Variants in SYNPO2 observed in about 807,000 individuals in gnomAD.
SYNPO2 encodes the protein synaptopodin 2, also known as synaptopodin-2.
SYNPO2 carries 56 observed loss-of-function variants against 85.0 expected under a neutral mutation model. The ratio of observed to expected loss-of-function variants is 0.66; its 90% confidence interval spans 0.53 to 0.82. The LOEUF is 0.82. Among genes scored for constraint, SYNPO2 ranks in the 40% least tolerant of loss-of-function variants. The pLI is 0.00. For missense variants in SYNPO2, 1,575 were observed against 1,534.2 expected, an observed-to-expected ratio of 1.03 and a Z score of -0.44; for synonymous variants, 602 against 591.1, an observed-to-expected ratio of 1.02 and a Z score of -0.27.
At position 118,978,227 on chromosome 4, in the gene SYNPO2, G is replaced by T. The variant is rs187468449; in HGVS notation, c.106-45203G>T. Among the ~76,000 whole-genome samples, 167 of 152,220 alleles carry T rather than the reference G, an allele frequency of 1.1e-3. 1 individual carries two copies. The highest frequency in any genetic ancestry group is 3.7e-3 in the African/African-American group (154 of 41,542). On this transcript the variant is annotated intron_variant, in intron 1 of 4. Transcript: ENST00000307142. ...TGAGCCAAGTCACATCTTTCCCTTT[G>T]TTCCCCACAATTTAGCCCAAAGTTG...
intron 1 of SYNPO2, among the ~76,000 whole-genome samples, chr4:118,958,444 A>C (rs1734956642): frequency 6.6e-6 from 1 of 152,166 alleles, no homozygotes; most frequent in Non-Finnish European, 1.5e-5. Flanking sequence ...GTGATTTAAC[A>C]AATTTCATAC....
intron 1 of SYNPO2, among the ~76,000 whole-genome samples, chr4:118,893,727 T>C (rs930280771): frequency 6.6e-6 from 1 of 152,182 alleles, no homozygotes; most frequent in African/African-American, 2.4e-5. Flanking sequence ...TTCTGATGTG[T>C]GGTCAAGATT....
intron 1 of SYNPO2, among the ~76,000 whole-genome samples, chr4:118,864,522 A>G (rs1218427790): frequency 6.6e-6 from 1 of 152,188 alleles, no homozygotes; most frequent in Non-Finnish European, 1.5e-5. Context: ...GATCTGTCTG[A>G]TGCTGAAAGT....
chr4:118,882,270 TCA>T (rs1732118744), intron 1 of SYNPO2, among the ~76,000 whole-genome samples: 2 of 152,198 alleles, frequency 1.3e-5, no homozygotes, highest in African/African-American at 4.8e-5. Flanking sequence ...TTCCAAATAA[TCA>T]CAACCCATGA....
At chr4:119,021,108 G>C (rs1007093960) in intron 1 of SYNPO2, among the ~76,000 whole-genome samples, 49 of 152,086 alleles carry the variant, frequency 3.2e-4, no homozygotes, top group Non-Finnish European at 5.0e-4. Context: ...TGTCAGCAGT[G>C]GGGAAGGCTT....
intron 1 of SYNPO2, among the ~76,000 whole-genome samples, chr4:118,865,559 A>C (rs539721952): frequency 6.6e-6 from 1 of 152,246 alleles, no homozygotes; most frequent in Non-Finnish European, 1.5e-5. Context: ...AAACAGTGTC[A>C]AGGGTTATGA....
At chr4:119,008,274 T>C (rs150425745) in intron 1 of SYNPO2, among the ~76,000 whole-genome samples, 1 of 152,118 alleles carries the variant, frequency 6.6e-6, no homozygotes, top group Non-Finnish European at 1.5e-5. Flanking sequence ...AAGATGGGAG[T>C]CCAATTGCCA....
rs1311940083 is a variant in SYNPO2 at position 119,046,576 on chromosome 4, C to T, written c.3253-10825C>T. On this transcript the variant is annotated intron_variant, in intron 4 of 4. Coordinates refer to ENST00000307142, the MANE Select transcript of SYNPO2 (RefSeq NM_133477.3). ...AAAAGGTCCTGCCAGGTCTCTGACA[C>T]CTTTAGGGCCACACAGTCTCTTCCC... Among the ~76,000 whole-genome samples, 3 of 152,222 alleles carry T rather than the reference C, an allele frequency of 2.0e-5. No individual in the cohort carries two copies. In the East Asian group the frequency reaches 5.8e-4, roughly 29 times the overall value.
chr4:118,882,685 A>T (rs1473066873), intron 1 of SYNPO2, among the ~76,000 whole-genome samples: 3 of 152,166 alleles, frequency 2.0e-5, no homozygotes, highest in African/African-American at 7.2e-5. Context: ...GTATCCTAAG[A>T]GGGCTTTAAT....
intron 4 of SYNPO2, 107 bp from the exon 5 acceptor site, chr4:119,057,294 T>TA: frequency 8.6e-7 from 1 of 1,162,802 alleles, no homozygotes; most frequent in Non-Finnish European, 1.1e-6. Context: ...TTTTTATTTT[T>TA]ATTTTTTATT....
At chr4:118,957,495 T>C (rs986801129) in intron 1 of SYNPO2, among the ~76,000 whole-genome samples, 1 of 152,214 alleles carries the variant, frequency 6.6e-6, no homozygotes, top group African/African-American at 2.4e-5. Context: ...CTTCAGACTT[T>C]TTGTTTTTTT....
At chr4:118,900,695 C>CTATA (rs1348622658) in intron 1 of SYNPO2, among the ~76,000 whole-genome samples, 38 of 42,054 alleles carry the variant, frequency 9.0e-4, no homozygotes, top group African/African-American at 1.7e-3. Context: ...CTCTCTCTCT[C>CTATA]TCTCTCTCTA....
At chr4:118,915,598 G>C (rs1733289018) in intron 1 of SYNPO2, among the ~76,000 whole-genome samples, 1 of 152,032 alleles carries the variant, frequency 6.6e-6, no homozygotes. Context: ...TTGTTGATGG[G>C]CATCTGGGTT....
intron 1 of SYNPO2, among the ~76,000 whole-genome samples, chr4:118,996,521 A>T (rs990952000): frequency 6.6e-6 from 1 of 152,176 alleles, no homozygotes; most frequent in Non-Finnish European, 1.5e-5. Flanking sequence ...TCTCTCAAGG[A>T]GAGAGATACA....
chr4:118,890,733 C>CTCTCTCTCTCTCTCTCTCTCTCTCTGTG (rs749295331), intron 1 of SYNPO2, among the ~76,000 whole-genome samples: 1 of 126,150 alleles, frequency 7.9e-6, no homozygotes, highest in African/African-American at 3.0e-5. Context: ...CTCTCTCTCT[C>CTCTCTCTCTCTCTCTCTCTCTCTCTGTG]TGTGTGTGTG....
intron 4 of SYNPO2, among the ~76,000 whole-genome samples, chr4:119,055,624 T>C (rs1012983358): frequency 6.6e-6 from 1 of 152,198 alleles, no homozygotes; most frequent in Non-Finnish European, 1.5e-5. Context: ...AATGAGTCTA[T>C]GAAATGAACA....
intron 1 of SYNPO2, among the ~76,000 whole-genome samples, chr4:118,974,668 G>A (rs1003156770): frequency 5.3e-5 from 8 of 152,120 alleles, no homozygotes; most frequent in African/African-American, 1.9e-4. Context: ...GGATTTTAGG[G>A]TTTCTTTCCC....
intron 1 of SYNPO2, among the ~76,000 whole-genome samples, chr4:118,869,002 T>C (rs1271341350): frequency 1.3e-5 from 2 of 152,152 alleles, no homozygotes; most frequent in Admixed American, 6.5e-5. Context: ...CCAGAAAGTT[T>C]AGCAAATGAC....
At chr4:118,917,870 G>A (rs1733404644) in intron 1 of SYNPO2, among the ~76,000 whole-genome samples, 2 of 152,144 alleles carry the variant, frequency 1.3e-5, no homozygotes, top group South Asian at 4.1e-4. Flanking sequence ...TATAATGTAA[G>A]GAGAATAACA....
Sources: gnomAD v4.1 joint callset for allele counts (sites outside exome capture counted in the v4.1 genomes callset) on GRCh38, gnomAD v4.1.1 for gene constraint, MANE v1.5 for transcripts, NCBI Gene and HGNC (gene_info 2026-07-23, HGNC 2026-07-21) for gene names.